H3-7: variants seen among roughly 807,000 people sequenced by gnomAD.
H3-7 encodes H3.7 histone (putative), also known as histone H3-7.
the H3-7 span, among the ~76,000 whole-genome samples, chr1:143,903,650 TG>T: frequency 0.024 from 863 of 35,242 alleles, 38 homozygotes; most frequent in African/African-American, 0.089. Context: ...GTCACTGGAA[TG>T]GAAGTTAGGG....
chr1:143,904,371 G>A, the H3-7 span: 7,312 of 1,582,672 alleles, frequency 4.6e-3, 879 homozygotes, highest in South Asian at 0.041. Context: ...CAGGCGGGAC[G>A]CCTCTCCCGC....
Sources: allele counts gnomAD v4.1 joint callset (sites outside exome capture counted in the v4.1 genomes callset), GRCh38; gene constraint gnomAD v4.1.1; transcripts MANE v1.5; gene names NCBI Gene and HGNC (gene_info 2026-07-23, HGNC 2026-07-21).